MSRA: variants seen among roughly 807,000 people sequenced by gnomAD.
MSRA encodes methionine sulfoxide reductase A, also known as mitochondrial peptide methionine sulfoxide reductase.
MSRA carries 54 observed loss-of-function variants against 31.3 expected under a neutral mutation model. That is an observed-to-expected ratio of 1.73 (90% confidence interval 1.39 to 2.17). MSRA has a LOEUF of 2.17. Among genes scored for constraint, MSRA ranks in the 30% most tolerant of loss-of-function variants. The pLI, the probability that MSRA is intolerant of heterozygous loss-of-function variation, is 0.00. For synonymous variants in MSRA, 169 were observed against 116.5 expected (o/e 1.45, Z -2.90); for missense variants, 507 against 300.9 (o/e 1.69, Z -5.07).
chr8:10,367,519 ATCC>A (rs2129168479), intron 5 of MSRA, among the ~76,000 whole-genome samples: 1 of 152,338 alleles, frequency 6.6e-6, no homozygotes, highest in East Asian at 1.9e-4. Context: ...TATGGAGAAC[ATCC>A]TCGTGTGCTA....
chr8:10,200,639 G>A (rs12680889), intron 1 of MSRA, among the ~76,000 whole-genome samples: 1 of 152,162 alleles, frequency 6.6e-6, no homozygotes, highest in Non-Finnish European at 1.5e-5. Flanking sequence ...GCCCCTCCCA[G>A]TGACTCACCC....
intron 5 of MSRA, among the ~76,000 whole-genome samples, chr8:10,376,868 G>C (rs767443277): frequency 6.6e-6 from 1 of 152,188 alleles, no homozygotes; most frequent in Non-Finnish European, 1.5e-5. Context: ...TAAATACGCA[G>C]GTGCCTTCTT....
chr8:10,258,615 C>T (rs994352306), intron 3 of MSRA, among the ~76,000 whole-genome samples: 2 of 152,174 alleles, frequency 1.3e-5, no homozygotes, highest in South Asian at 2.1e-4. Flanking sequence ...AAGCCCTGCA[C>T]GGTGCTTCCT....
chr8:10,147,562 G>A (rs1047033080), intron 1 of MSRA, among the ~76,000 whole-genome samples: 4 of 152,204 alleles, frequency 2.6e-5, no homozygotes, highest in African/African-American at 4.8e-5. Context: ...CCAACCAACC[G>A]TGTACAGGGT....
intron 1 of MSRA, among the ~76,000 whole-genome samples, chr8:10,088,472 C>T (rs543317321): frequency 6.6e-6 from 1 of 152,126 alleles, no homozygotes; most frequent in Non-Finnish European, 1.5e-5. Flanking sequence ...TGGTGGCTCA[C>T]ACCTGTAATC....
At chr8:10,118,021 T>C (rs1800812081) in intron 1 of MSRA, among the ~76,000 whole-genome samples, 1 of 152,214 alleles carries the variant, frequency 6.6e-6, no homozygotes, top group Middle Eastern at 3.2e-3. Flanking sequence ...TCAGGAAAGA[T>C]ACAGACACCA....
chr8:10,418,349 CT>C (rs543125822), intron 5 of MSRA, among the ~76,000 whole-genome samples: 1 of 152,088 alleles, frequency 6.6e-6, no homozygotes, highest in Non-Finnish European at 1.5e-5. Flanking sequence ...GGCCTTCAAA[CT>C]GTGATGGAAA....
At chr8:10,154,780 A>T (rs759887142) in intron 1 of MSRA, among the ~76,000 whole-genome samples, 1 of 152,142 alleles carries the variant, frequency 6.6e-6, no homozygotes, top group Non-Finnish European at 1.5e-5. Context: ...TATCAATTGT[A>T]TGAAGATCAT....
At chr8:10,196,099 T>C (rs958457041) in intron 1 of MSRA, among the ~76,000 whole-genome samples, 1 of 152,206 alleles carries the variant, frequency 6.6e-6, no homozygotes, top group African/African-American at 2.4e-5. Flanking sequence ...TCAGCTGCTC[T>C]CTGACAGCTG....
intron 1 of MSRA, among the ~76,000 whole-genome samples, chr8:10,191,341 T>A (rs546143969): frequency 1.3e-5 from 2 of 152,278 alleles, no homozygotes; most frequent in African/African-American, 2.4e-5. Context: ...ATTCTCCCCA[T>A]TGCAGTTAGG....
At chr8:10,128,913 G>A (rs1170677173) in intron 1 of MSRA, among the ~76,000 whole-genome samples, 1 of 152,182 alleles carries the variant, frequency 6.6e-6, no homozygotes. Context: ...GAGGAGTTTA[G>A]GAAGACATTC....
At chr8:10,187,240 A>G (rs1278720095) in intron 1 of MSRA, among the ~76,000 whole-genome samples, 1 of 152,184 alleles carries the variant, frequency 6.6e-6, no homozygotes, top group Non-Finnish European at 1.5e-5. Context: ...GCATGGCTTG[A>G]AACTTGGCCG....
intron 3 of MSRA, among the ~76,000 whole-genome samples, chr8:10,271,257 T>C (rs981781138): frequency 2.0e-5 from 3 of 152,104 alleles, no homozygotes; most frequent in Non-Finnish European, 1.5e-5. Context: ...AATAGAGAAA[T>C]GCTTTCTGTG....
intron 5 of MSRA, among the ~76,000 whole-genome samples, chr8:10,357,961 T>G (rs1271342837): frequency 6.6e-6 from 1 of 152,230 alleles, no homozygotes; most frequent in African/African-American, 2.4e-5. Flanking sequence ...TTACTCTTGT[T>G]GTCCAGGCTA....
At chr8:10,130,995 T>A (rs1178016040) in intron 1 of MSRA, among the ~76,000 whole-genome samples, 1 of 152,208 alleles carries the variant, frequency 6.6e-6, no homozygotes, top group East Asian at 1.9e-4. Context: ...TATAGAGATG[T>A]TAATGGTCTG....
At chr8:10,083,214 C>A (rs1431840274) in intron 1 of MSRA, among the ~76,000 whole-genome samples, 2 of 152,138 alleles carry the variant, frequency 1.3e-5, no homozygotes, top group Non-Finnish European at 2.9e-5. Flanking sequence ...TGAATTTGAT[C>A]TTAACATCAG....
At chr8:10,421,944 G>A (rs568277578) in intron 5 of MSRA, among the ~76,000 whole-genome samples, 3 of 152,312 alleles carry the variant, frequency 2.0e-5, no homozygotes, top group South Asian at 2.1e-4. Flanking sequence ...TCACCCCTGG[G>A]TGGGGATTTT....
At chr8:10,154,727 C>G (rs1307915680) in intron 1 of MSRA, among the ~76,000 whole-genome samples, 2 of 151,952 alleles carry the variant, frequency 1.3e-5, no homozygotes, top group African/African-American at 4.8e-5. Context: ...TGAAACAATT[C>G]TACTTTTTTC....
intron 5 of MSRA, among the ~76,000 whole-genome samples, chr8:10,384,877 C>G (rs1407583536): frequency 6.6e-6 from 1 of 152,106 alleles, no homozygotes; most frequent in East Asian, 1.9e-4. Flanking sequence ...TAGCGCATAC[C>G]TGCAGCCCCA....
Sources: gnomAD v4.1 joint callset for allele counts (sites outside exome capture counted in the v4.1 genomes callset) on GRCh38, gnomAD v4.1.1 for gene constraint, MANE v1.5 for transcripts, NCBI Gene and HGNC (gene_info 2026-07-23, HGNC 2026-07-21) for gene names.